The following ARFGEF2 variants were observed in gnomAD, a reference collection of about 807,000 sequenced individuals.
ARFGEF2 encodes the protein ARF guanine nucleotide exchange factor 2, also known as brefeldin A-inhibited guanine nucleotide-exchange protein 2.
Under a neutral mutation model 219.9 loss-of-function variants are expected in ARFGEF2, and 74 were observed. That is an observed-to-expected ratio of 0.34 (90% CI 0.28 to 0.41). The LOEUF (loss-of-function observed/expected upper bound fraction) is 0.41, where lower values mean the gene tolerates loss of function less well. ARFGEF2 is among the 10% of genes least tolerant of loss of function. The pLI is 1.00. For missense variants in ARFGEF2, 1,743 were observed against 2,218.3 expected, an observed-to-expected ratio of 0.79 and a Z score of 4.30; for synonymous variants, 733 against 799.2, an observed-to-expected ratio of 0.92 and a Z score of 1.40.
intron 18 of ARFGEF2, 107 bp from the exon 19 acceptor site, chr20:48,989,178 T>C: frequency 3.2e-6 from 4 of 1,252,120 alleles, no homozygotes; most frequent in Non-Finnish European, 4.6e-6. Flanking sequence ...CACGAGATGG[T>C]TGGGAGGATT....
intron 12 of ARFGEF2, among the ~76,000 whole-genome samples, chr20:48,974,118 ATTTTTTTTTTT>A (rs57941437): frequency 1.4e-5 from 1 of 70,066 alleles, no homozygotes; most frequent in Non-Finnish European, 2.5e-5. Flanking sequence ...TTGAGTGTGA[ATTTTTTTTTTT>A]TTTTTTTTTT....
At chr20:48,950,862 G>GCACA (rs149975227) in intron 3 of ARFGEF2, among the ~76,000 whole-genome samples, 6 of 95,550 alleles carry the variant, frequency 6.3e-5, no homozygotes, top group East Asian at 3.1e-4. Context: ...GTATATACAT[G>GCACA]CACACACACA....
intron 36 of ARFGEF2, 129 bp downstream of exon 36, chr20:49,025,610 G>T: frequency 9.8e-7 from 1 of 1,019,370 alleles, no homozygotes; most frequent in Non-Finnish European, 1.5e-6. Flanking sequence ...ATGCTTGAGG[G>T]GGAGAGAAGG....
At chr20:49,011,828 T>C in intron 27 of ARFGEF2, 96 bp from the exon 28 acceptor site, 1 of 1,284,170 alleles carries the variant, frequency 7.8e-7, no homozygotes, top group Non-Finnish European at 1.1e-6. Context: ...TTATCTCTGA[T>C]GTATGTGTGT....
In ARFGEF2 at chr20:48,971,300, C is replaced by A; in HGVS notation, c.1371C>A (p.Ala457=). The change falls in exon 10 of 39, where the codon GCC becomes GCA. Residue 457 remains alanine, a synonymous_variant. Transcript: ENST00000371917. ...SVPDVFELSL[A]IFLTLLSNFK... ...CTGATGTCTTTGAGCTCTCTCTTGCCATTTTTCTTACTCTTCTTTCAAACT... is the reference window on the plus strand; with the variant it reads ...CTGATGTCTTTGAGCTCTCTCTTGCAATTTTTCTTACTCTTCTTTCAAACT... 6.2e-7 allele frequency: 1 copy of A among 1,614,182 alleles called. No individual in the cohort carries two copies. Among genetic ancestry groups the A allele is most frequent in the Non-Finnish European group, 8.5e-7 (1 of 1,180,044 alleles).
In ARFGEF2 at chr20:49,017,279, A is replaced by C. The variant is rs200473895; in HGVS notation, c.4346A>C (p.Asn1449Thr). 2.2e-4 allele frequency: 351 copies of C among 1,613,940 alleles called. No homozygotes were observed. The highest frequency in any genetic ancestry group is 8.2e-4 in the Middle Eastern group (5 of 6,082). ...GAACAGTTGGCGCGATCAGGTACAA[A>C]TTGCTTAGAAAACTTAGTAATATCC... ...DNEQLARSGT[N>T]CLENLVISNG... Residue 1449 changes from asparagine (N) to threonine (T), a missense_variant, in exon 32 of 39, where the codon AAT (asparagine) becomes ACT (threonine). Coordinates refer to ENST00000371917, the MANE Select transcript of ARFGEF2 (RefSeq NM_006420.3).
rs1403542773 is a variant in ARFGEF2 at position 48,969,166 on chromosome 20, A to C, written c.1079A>C (p.His360Pro). ...TCCTAGGAATCGGATGCACAAGGAC[A>C]TCAAGTGGCTGCCAGGTTCTCCCAC... ...ADNLESDAQG[H>P]QVAARFSHVL... The change falls in exon 9 of 39, where the codon CAT (histidine) becomes CCT (proline). Residue 360 changes from histidine to proline, a missense_variant. By Grantham distance (77) the His-to-Pro change is moderately conservative. Around this residue, in one of 5 missense-constraint regions of ARFGEF2, gnomAD observed 666 missense variants for 955.4 expected, o/e 0.70. Coordinates refer to ENST00000371917, the MANE Select transcript of ARFGEF2 (RefSeq NM_006420.3). The C allele has an allele frequency of 6.2e-7, 1 of 1,614,126 alleles. No individual in the cohort carries two copies.
intron 10 of ARFGEF2, 109 bp from the exon 11 acceptor site, chr20:48,972,217 A>G: frequency 1.3e-6 from 1 of 764,388 alleles, no homozygotes. Flanking sequence ...TCTTCTGCCC[A>G]GGGTGCTTTA....
At chr20:48,997,265 T>TATTGATTGATTGATTG (rs11471982) in intron 23 of ARFGEF2, among the ~76,000 whole-genome samples, 1 of 150,830 alleles carries the variant, frequency 6.6e-6, no homozygotes, top group African/African-American at 2.4e-5. Context: ...ATATCTTATG[T>TATTGATTGATTGATTG]ATTGATTGAT....
At chr20:48,994,135 G>C (rs941103350) in intron 21 of ARFGEF2, among the ~76,000 whole-genome samples, 5 of 152,140 alleles carry the variant, frequency 3.3e-5, no homozygotes, top group African/African-American at 1.2e-4. Context: ...AGGCCCTGAG[G>C]TGGGACAAGA....
At chr20:48,973,704 C>CAA (rs1472673740) in intron 12 of ARFGEF2, among the ~76,000 whole-genome samples, 1 of 152,104 alleles carries the variant, frequency 6.6e-6, no homozygotes, top group East Asian at 1.9e-4. Flanking sequence ...AGAGCACCTA[C>CAA]AAAGAAAATA....
At chr20:48,973,384 G>A in intron 12 of ARFGEF2, 100 bp downstream of exon 12, 3 of 1,308,160 alleles carry the variant, frequency 2.3e-6, no homozygotes, top group Non-Finnish European at 2.2e-6. Flanking sequence ...TGATACAGCA[G>A]TGAACAAAAC....
intron 6 of ARFGEF2, among the ~76,000 whole-genome samples, chr20:48,960,528 G>C (rs1261161071): frequency 1.3e-5 from 2 of 151,180 alleles, no homozygotes; most frequent in African/African-American, 4.9e-5. Flanking sequence ...CTGTCGCCTA[G>C]GCTGGAGTGC....
intron 14 of ARFGEF2, among the ~76,000 whole-genome samples, chr20:48,982,167 G>T (rs771039114): frequency 6.6e-6 from 1 of 152,074 alleles, no homozygotes; most frequent in Non-Finnish European, 1.5e-5. Flanking sequence ...ATGGGGTTTT[G>T]GTGTGGATGT....
intron 1 of ARFGEF2, among the ~76,000 whole-genome samples, chr20:48,938,655 A>G (rs1182964733): frequency 1.3e-5 from 2 of 152,236 alleles, no homozygotes; most frequent in African/African-American, 4.8e-5. Flanking sequence ...AACGAACACC[A>G]GATCTTATTT....
Position 48,983,676 on chromosome 20 carries a change from G to C in ARFGEF2, c.1959-1053G>C, listed in dbSNP as rs373502042. Among the ~76,000 whole-genome samples the C allele has an allele frequency of 9.9e-5, 15 of 152,234 alleles. 1 individual carries two copies. Among genetic ancestry groups the C allele is most frequent in the South Asian group, 8.3e-4 (4 of 4,826 alleles). ...TCAGCTCTTTTTACCATGGTGCCTT[G>C]TGCTTGAAATTCTCTTGGCTTTTTT... On this transcript the variant is annotated intron_variant, in intron 14 of 38. Transcript: ENST00000371917.
At chr20:48,947,368 C>G (rs2091034978) in intron 3 of ARFGEF2, among the ~76,000 whole-genome samples, 1 of 152,030 alleles carries the variant, frequency 6.6e-6, no homozygotes, top group East Asian at 1.9e-4. Context: ...TCACTGCACT[C>G]CAGCCTGGGC....
At position 48,988,659 on chromosome 20, in the gene ARFGEF2, C is replaced by G. The variant is rs778195883; in HGVS notation, c.2530C>G (p.Gln844Glu). 2 of 1,613,022 alleles carry G rather than the reference C, an allele frequency of 1.2e-6. No homozygotes were observed. Among genetic ancestry groups the G allele is most frequent in the Admixed American group, 3.3e-5 (2 of 59,944 alleles). The stretch of plus-strand genomic sequence containing the variant: ...AACGATTGCAACCAAATCTACTAAG[C>G]AGAGTAAGGTCTAATGGCAAATTAT... ...ELTIATKSTK[Q>E]NVASEKQRRL... Residue 844 changes from glutamine (Q) to glutamate (E), a missense_variant, in exon 18 of 39, where the codon CAG (glutamine) becomes GAG (glutamate). Gln to Glu is a conservative substitution (Grantham distance 29). Coordinates refer to ENST00000371917, the MANE Select transcript of ARFGEF2 (RefSeq NM_006420.3).
chr20:48,985,010 G>A (rs1196812413), intron 15 of ARFGEF2, 170 bp downstream of exon 15: 44 of 686,612 alleles, frequency 6.4e-5, no homozygotes, highest in Non-Finnish European at 7.0e-5. Context: ...TGTGTATCCC[G>A]TTGGCTAGTG....
Sources: gnomAD v4.1 joint callset for allele counts (sites outside exome capture counted in the v4.1 genomes callset) on GRCh38, gnomAD v4.1.1 for gene constraint, gnomAD v4.1.1 regional missense constraint, MANE v1.5 for transcripts, NCBI Gene and HGNC (gene_info 2026-07-23, HGNC 2026-07-21) for gene names.